Variants in LONRF1 observed in about 807,000 individuals in gnomAD.
LONRF1 encodes the protein LON peptidase N-terminal domain and ring finger 1, also known as LON peptidase N-terminal domain and RING finger protein 1.
Under a neutral mutation model 85.8 loss-of-function variants are expected in LONRF1, and 37 were observed. That is an observed-to-expected ratio of 0.43 (90% CI 0.33 to 0.57). The LOEUF is 0.57. Among genes scored for constraint, LONRF1 ranks in the 20% least tolerant of loss-of-function variants. LONRF1 has a pLI of 0.04. For missense variants in LONRF1, 1,036 were observed against 978.0 expected, an observed-to-expected ratio of 1.06 and a Z score of -0.79; for synonymous variants, 517 against 390.1, an observed-to-expected ratio of 1.33 and a Z score of -3.83.
Position 12,745,135 on chromosome 8 carries a change from C to T in LONRF1, c.722-1853G>A, listed in dbSNP as rs78406573. On this transcript the variant is annotated intron_variant, in intron 1 of 11. Transcript: ENST00000398246. ...CTTCCCCTCTCCACACAGAAAAATT[C>T]GGGATATTGAGATCTCCCTAAAGGA... Among the ~76,000 whole-genome samples, 253 of 152,128 alleles carry T rather than the reference C, an allele frequency of 1.7e-3. 5 individuals carry two copies. The East Asian group carries it at 0.042, about 25-fold the overall frequency.
At chr8:12,733,548 G>T (rs1211853416) in intron 7 of LONRF1, among the ~76,000 whole-genome samples, 2 of 152,104 alleles carry the variant, frequency 1.3e-5, no homozygotes, top group Non-Finnish European at 2.9e-5. Context: ...CCACTACTGA[G>T]TAGAGGAGCA....
intron 1 of LONRF1, among the ~76,000 whole-genome samples, chr8:12,752,672 C>G (rs1799455888): frequency 6.6e-6 from 1 of 152,180 alleles, no homozygotes. Context: ...TATCCTCGAT[C>G]CAAGAACCAG....
At chr8:12,737,281 A>G in intron 4 of LONRF1, 141 bp from the exon 5 acceptor site, 1 of 1,017,476 alleles carries the variant, frequency 9.8e-7, no homozygotes, top group Non-Finnish European at 1.5e-6. Flanking sequence ...CTTGATTCCA[A>G]CACTGTGACA....
intron 10 of LONRF1, 60 bp downstream of exon 10, chr8:12,728,841 T>C: frequency 6.3e-7 from 1 of 1,593,928 alleles, no homozygotes; most frequent in Non-Finnish European, 8.6e-7. Context: ...CCTGCATGCC[T>C]GTACCAATCC....
intron 1 of LONRF1, among the ~76,000 whole-genome samples, chr8:12,748,773 C>T (rs1253415279): frequency 6.7e-6 from 1 of 150,298 alleles, no homozygotes; most frequent in Non-Finnish European, 1.5e-5. Flanking sequence ...ATATATCAAG[C>T]TATCGAAATT....
Position 12,737,111 on chromosome 8 carries a change from C to G in LONRF1, c.1143G>C (p.Glu381Asp), listed in dbSNP as rs774241892. The G allele has an allele frequency of 6.8e-6, 11 of 1,612,934 alleles. No individual in the cohort carries two copies. Among genetic ancestry groups the G allele is most frequent in the Non-Finnish European group, 6.8e-6 (8 of 1,179,506 alleles). The change falls in exon 5 of 12, where the codon GAG becomes GAC. Residue 381 changes from glutamate (E) to aspartate (D), a missense_variant. Coordinates refer to ENST00000398246, the MANE Select transcript of LONRF1 (RefSeq NM_152271.5). ...QSEEIPEVTS[E>D]PVKGSLNRAQ... ...CACGGTTTAAGCTTCCTTTGACAGG[C>G]TCTGAAGTGACCTCTGGTATTTCTT...
Position 12,738,085 on chromosome 8 carries a change from C to G in LONRF1, c.1023G>C (p.Trp341Cys). ...TGTTTTTAGTACATGGTAATGAACT[C>G]CAGGAAGATTCCTTCAGGCCTTCTT... The part of the protein sequence containing the change: ...NLKEGLKESS[W>C]SSLPCTKNRP... Residue 341 changes from tryptophan (W) to cysteine (C), a missense_variant, in exon 4 of 12, where the codon TGG (tryptophan) becomes TGC (cysteine). Trp to Cys is a radical substitution (Grantham distance 215). Transcript: ENST00000398246. The G allele has an allele frequency of 6.2e-7, 1 of 1,606,322 alleles. No homozygotes were observed. The highest frequency in any genetic ancestry group is 8.5e-7 in the Non-Finnish European group (1 of 1,175,282).
chr8:12,744,062 G>GTTT (rs1563152874), intron 1 of LONRF1, among the ~76,000 whole-genome samples: 2 of 152,024 alleles, frequency 1.3e-5, no homozygotes, highest in Admixed American at 6.6e-5. Context: ...GTCCAAGCAA[G>GTTT]ACATTAATTT....
chr8:12,725,137 C>T (rs1422668152), intron 11 of LONRF1, among the ~76,000 whole-genome samples: 1 of 152,182 alleles, frequency 6.6e-6, no homozygotes, highest in Non-Finnish European at 1.5e-5. Flanking sequence ...TTTGCTTGCA[C>T]AGAAAGTGCC....
chr8:12,752,103 C>T (rs1406995829), intron 1 of LONRF1, among the ~76,000 whole-genome samples: 1 of 152,142 alleles, frequency 6.6e-6, no homozygotes, highest in Admixed American at 6.5e-5. Context: ...TAGATTTTTT[C>T]TAGTTAATAG....
rs961740962 is a variant in LONRF1 at position 12,755,111 on chromosome 8, C to G, written c.310G>C (p.Gly104Arg). The change falls in exon 1 of 12, where the codon GGC (glycine) becomes CGC (arginine). Residue 104 changes from glycine (G) to arginine (R), a missense_variant. Around this residue, in one of 3 missense-constraint regions of LONRF1, gnomAD observed 742 missense variants for 614.4 expected, o/e 1.21. Coordinates refer to ENST00000398246, the MANE Select transcript of LONRF1 (RefSeq NM_152271.5). ...VFNYRLRHGL[G>R]WSAAPVAGAD... is the part of the protein sequence containing the mutation. ...CCTGCAACCGGGGCCGCGCTCCAGC[C>G]CAGCCCGTGGCGGAGCCGGTAGTTG... 7.5e-6 allele frequency: 11 copies of G among 1,462,346 alleles called. No homozygotes were observed. The African/African-American group carries it at 1.3e-4, about 18-fold the overall frequency. The allele number at this position is 1,462,346 out of a possible 1,614,324, so 90.6% of individuals were successfully genotyped here. A position where few individuals can be genotyped will look rare whatever the true frequency, so the allele number is the denominator to read the frequency against.
At chr8:12,730,311 A>T (rs1320865439) in intron 8 of LONRF1, among the ~76,000 whole-genome samples, 1 of 152,226 alleles carries the variant, frequency 6.6e-6, no homozygotes, top group Admixed American at 6.5e-5. Context: ...CTATTTATAC[A>T]TACTACATTC....
chr8:12,729,124 A>T (rs372537118), intron 9 of LONRF1, 50 bp downstream of exon 9: 1 of 1,610,544 alleles, frequency 6.2e-7, no homozygotes. Flanking sequence ...TCTCATCCAT[A>T]TTGAGAGGTC....
intron 1 of LONRF1, among the ~76,000 whole-genome samples, chr8:12,744,362 A>T (rs1230581555): frequency 6.6e-6 from 1 of 152,160 alleles, no homozygotes; most frequent in Admixed American, 6.5e-5. Flanking sequence ...GAAAACATTT[A>T]AAGAATAAAA....
rs560086971 is a variant in LONRF1, at chr8:12,727,020, A to G, written c.2011-1141T>C. Among the ~76,000 whole-genome samples, 40 of 152,100 alleles carry G rather than the reference A, an allele frequency of 2.6e-4. 1 individual carries two copies. Among genetic ancestry groups the G allele is most frequent in the African/African-American group, 9.4e-4 (39 of 41,550 alleles). On this transcript the variant is annotated intron_variant, in intron 10 of 11. Transcript: ENST00000398246. ...CTTTTAAAAAAGGTAGAGGAGCCAC[A>G]CAATTGAAGAATTTTGGTCCTGAAA...
Position 12,729,033 on chromosome 8 carries a change from A to G in LONRF1, c.1878T>C (p.Ile626=). The change falls in exon 10 of 12, where the codon ATT becomes ATC. Residue 626 remains isoleucine (I), a synonymous_variant. Coordinates refer to ENST00000398246, the MANE Select transcript of LONRF1 (RefSeq NM_152271.5). The stretch of plus-strand genomic sequence containing the variant: ...CGTCCGGTAAGAAATGCACGTTTCT[A>G]ATTTGTAACATACAACCATAATCTG... ...SFADYGCMLQ[I]RNVHFLPDGR... 6.2e-7 allele frequency: 1 copy of G among 1,614,058 alleles called. No homozygotes were observed. Among genetic ancestry groups the G allele is most frequent in the Non-Finnish European group, 8.5e-7 (1 of 1,179,918 alleles).
In LONRF1 at chr8:12,738,003, G is replaced by GGCTA; in HGVS notation, c.1101_1104dup (p.Pro369Ter). The GGCTA allele has an allele frequency of 6.2e-7, 1 of 1,606,092 alleles. No individual in the cohort carries two copies. The highest frequency in any genetic ancestry group is 8.5e-7 in the Non-Finnish European group (1 of 1,177,234). Reference sequence around the variant, plus strand: ...CTTGTCTCACCCCGTACCTGCTTTGGGCTAGGTTCATTGAGAGACTGAGAC... The same window carrying GGCTA: ...CTTGTCTCACCCCGTACCTGCTTTGGGCTAGCTAGGTTCATTGAGAGACTGAGAC... On this transcript the variant is annotated stop_gained and frameshift_variant, in exon 4 of 12. Transcript: ENST00000398246. LOFTEE classifies it high-confidence loss of function.
Position 12,729,232 on chromosome 8 carries a change from T to G in LONRF1, c.1789A>C (p.Arg597=). 5.0e-6 allele frequency: 8 copies of G among 1,614,044 alleles called. No homozygotes were observed. The highest frequency in any genetic ancestry group is 5.1e-6 in the Non-Finnish European group (6 of 1,179,914). ...FEPRYRLMIR[R]SIQTGTKQFG... Reference sequence around the variant, plus strand: ...TGTTTGGTTCCAGTCTGTATACTTCTTCGAATCATCAATCTGTATCTTGGC... The same window carrying G: ...TGTTTGGTTCCAGTCTGTATACTTCGTCGAATCATCAATCTGTATCTTGGC... Residue 597 remains arginine (R), a synonymous_variant, in exon 9 of 12, where the codon AGA becomes CGA. Coordinates refer to ENST00000398246, the MANE Select transcript of LONRF1 (RefSeq NM_152271.5).
rs537730720 is a variant in LONRF1, at chr8:12,755,187, C to T, written c.234G>A (p.Gly78=). ...CCAGGCACTCGGGCCTGGCCGGGGC[C>T]CCGCGGCGCAGCGCCGCCGCGAACG... The part of the protein sequence containing the change: ...LEAFAAALRR[G]APARPECLGA... Residue 78 remains glycine, a synonymous_variant, in exon 1 of 12, where the codon GGG becomes GGA. Transcript: ENST00000398246. 154 of 1,323,942 alleles carry T rather than the reference C, an allele frequency of 1.2e-4. No homozygotes were observed. In the African/African-American group the frequency reaches 2.2e-3, roughly 19 times the overall value. The allele number at this position is 1,323,942 out of a possible 1,614,324, so 82.0% of individuals were successfully genotyped here.
Sources: allele counts gnomAD v4.1 joint callset (sites outside exome capture counted in the v4.1 genomes callset), GRCh38; gene constraint gnomAD v4.1.1; regional missense constraint gnomAD v4.1.1; transcripts MANE v1.5; gene names NCBI Gene and HGNC (gene_info 2026-07-23, HGNC 2026-07-21).